Variants in PCDHGA8 observed in about 807,000 individuals in gnomAD.
PCDHGA8 encodes protocadherin gamma-A8.
Under a neutral mutation model 59.2 loss-of-function variants are expected in PCDHGA8, and 45 were observed. The ratio of observed to expected loss-of-function variants is 0.76; its 90% CI spans 0.60 to 0.98. The LOEUF (loss-of-function observed/expected upper bound fraction) is 0.98. Among genes scored for constraint, PCDHGA8 ranks in the 50% least tolerant of loss-of-function variants. PCDHGA8 has a pLI of 0.00. For missense variants in PCDHGA8, 1,257 were observed against 1,196.2 expected, an observed-to-expected ratio of 1.05 and a Z score of -0.75; for synonymous variants, 531 against 519.0, an observed-to-expected ratio of 1.02 and a Z score of -0.32.
intron 1 of PCDHGA8, chr5:141,403,792 A>G: frequency 1.2e-6 from 2 of 1,613,922 alleles, no homozygotes; most frequent in African/African-American, 1.3e-5. Context: ...TGGCATACAA[A>G]TTCTGGAAAA....
intron 1 of PCDHGA8, chr5:141,404,856 G>C (rs1405688914): frequency 6.2e-7 from 1 of 1,613,890 alleles, no homozygotes; most frequent in Admixed American, 1.7e-5. Flanking sequence ...CTGCTAGATA[G>C]AGATGCGCTC....
rs10038103 is a variant in PCDHGA8 at position 141,414,849 on chromosome 5, C to T, written c.2424+19612C>T. On this transcript the variant is annotated intron_variant, in intron 1 of 3. Transcript: ENST00000398604. ...TGTCGTTGAGCCTGTTTGTGCTGGA[C>T]CAGAACGACAATGCGCCCGAGATCC... The T allele has an allele frequency of 7.9e-4, 1,268 of 1,614,252 alleles. 15 individuals carry two copies. In the African/African-American group the frequency reaches 0.015, roughly 19 times the overall value.
At chr5:141,399,372 T>C (rs1333971188) in intron 1 of PCDHGA8, 8 of 1,613,970 alleles carry the variant, frequency 5.0e-6, no homozygotes, top group Non-Finnish European at 6.8e-6. Flanking sequence ...CGGAGTACAA[T>C]GTCACCATCA....
intron 1 of PCDHGA8, chr5:141,415,577 C>G (rs776744277): frequency 2.5e-6 from 4 of 1,613,744 alleles, no homozygotes; most frequent in South Asian, 2.2e-5. Flanking sequence ...TTAGATGATT[C>G]GAAGTTTCCT....
Position 141,489,172 on chromosome 5 carries a change from T to G in PCDHGA8, c.2425-5635T>G. 1 of 1,199,026 alleles carries G rather than the reference T, an allele frequency of 8.3e-7. No individual in the cohort carries two copies. Among genetic ancestry groups the G allele is most frequent in the East Asian group, 2.4e-5 (1 of 42,106 alleles). The allele number at this position is 1,199,026 out of a possible 1,614,324, so 74.3% of individuals were successfully genotyped here. ...ACATAAGAGACTTCAGCTGCTGCATTCCAAGCCCTGGGTCTACCTTGGAGA... is the reference window on the plus strand; with the variant it reads ...ACATAAGAGACTTCAGCTGCTGCATGCCAAGCCCTGGGTCTACCTTGGAGA... On this transcript the variant is annotated intron_variant, in intron 1 of 3. Coordinates refer to ENST00000398604, the MANE Select transcript of PCDHGA8 (RefSeq NM_032088.2). This position sits in a 1 kb window ranked among gnomAD's most constrained non-coding sequence, Gnocchi z 4.5.
At position 141,489,083 on chromosome 5, in the gene PCDHGA8, T is replaced by G; in HGVS notation, c.2425-5724T>G. On this transcript the variant is annotated intron_variant, in intron 1 of 3. Coordinates refer to ENST00000398604, the MANE Select transcript of PCDHGA8 (RefSeq NM_032088.2). This position sits in a 1 kb window ranked among gnomAD's most constrained non-coding sequence, Gnocchi z 4.5. ...CCTCCCCCCTGCCCACCCCCGCCACTCGGTGACTAAGAACTGCTGCAAGCA... is the reference window on the plus strand; with the variant it reads ...CCTCCCCCCTGCCCACCCCCGCCACGCGGTGACTAAGAACTGCTGCAAGCA... The G allele has an allele frequency of 1.2e-5, 2 of 172,008 alleles. No individual in the cohort carries two copies. Among genetic ancestry groups the G allele is most frequent in the Non-Finnish European group, 2.1e-5 (2 of 94,012 alleles). The allele number at this position is 172,008 out of a possible 1,614,324, so 10.7% of individuals were successfully genotyped here. A position where few individuals can be genotyped will look rare whatever the true frequency, so the allele number is the denominator to read the frequency against.
At chr5:141,483,104 A>G (rs2099577128) in intron 1 of PCDHGA8, among the ~76,000 whole-genome samples, 1 of 152,140 alleles carries the variant, frequency 6.6e-6, no homozygotes, top group African/African-American at 2.4e-5. Flanking sequence ...GTGTGCGTGT[A>G]AAACAGACAG....
At chr5:141,402,202 A>G (rs1223519214) in intron 1 of PCDHGA8, among the ~76,000 whole-genome samples, 1 of 152,138 alleles carries the variant, frequency 6.6e-6, no homozygotes. Flanking sequence ...CTTTTATAAT[A>G]CAAAAATTTA....
chr5:141,409,080 C>T (rs2095221617), intron 1 of PCDHGA8: 1 of 1,613,988 alleles, frequency 6.2e-7, no homozygotes, highest in Non-Finnish European at 8.5e-7. Context: ...CATATGTTCT[C>T]ATTGGATGAG....
chr5:141,398,189 T>A (rs926901002), intron 1 of PCDHGA8: 41 of 1,482,238 alleles, frequency 2.8e-5, no homozygotes, highest in Non-Finnish European at 3.5e-5. Context: ...TTTCTCTTCC[T>A]GCTGTCTTTG....
chr5:141,415,740 GTTTTTTTTTTTTTTT>G (rs57426385), intron 1 of PCDHGA8: 171 of 625,014 alleles, frequency 2.7e-4, no homozygotes, highest in East Asian at 8.8e-4. Flanking sequence ...GTTTATTAAG[GTTTTTTTTTTTTTTT>G]TTTTTTTTTT....
At chr5:141,469,543 C>T (rs1031152008) in intron 1 of PCDHGA8, among the ~76,000 whole-genome samples, 1 of 152,040 alleles carries the variant, frequency 6.6e-6, no homozygotes, top group Non-Finnish European at 1.5e-5. Context: ...CCACTGCACT[C>T]CAGCCTGGCG....
intron 1 of PCDHGA8, chr5:141,417,066 T>C (rs1373522268): frequency 6.6e-6 from 1 of 152,110 alleles, no homozygotes; most frequent in Non-Finnish European, 1.5e-5. Context: ...ACATTGTAGC[T>C]ATTGTGAGAA....
chr5:141,413,157 A>T, intron 1 of PCDHGA8: 2 of 1,578,898 alleles, frequency 1.3e-6, no homozygotes, highest in Non-Finnish European at 1.7e-6. Flanking sequence ...ACTTTGCAGA[A>T]TTCTGTAACC....
rs770596172 is a variant in PCDHGA8, at chr5:141,487,664, G to A, written c.2425-7143G>A. ...AATGCTTGAGGGTTATTCTGATCCA[G>A]GCATATGGCTAGGCCATGTCCTAGA... On this transcript the variant is annotated intron_variant, in intron 1 of 3. Transcript: ENST00000398604. The surrounding 1 kb of genome is among the most constrained non-coding windows in gnomAD (Gnocchi z 5.0). 1.9e-5 allele frequency: 31 copies of A among 1,613,048 alleles called. No individual in the cohort carries two copies. The South Asian group carries it at 3.4e-4, about 18-fold the overall frequency.
At chr5:141,435,516 C>T (rs2097767967) in intron 1 of PCDHGA8, among the ~76,000 whole-genome samples, 1 of 152,058 alleles carries the variant, frequency 6.6e-6, no homozygotes, top group Non-Finnish European at 1.5e-5. Context: ...CTAATGATGA[C>T]TTTGTGGAAT....
chr5:141,415,533 G>A (rs749139053), intron 1 of PCDHGA8: 11 of 1,614,198 alleles, frequency 6.8e-6, no homozygotes, highest in Non-Finnish European at 6.8e-6. Flanking sequence ...TCATCAGCCA[G>A]GAGAGCTGTG....
At chr5:141,473,098 A>G (rs564554159) in intron 1 of PCDHGA8, among the ~76,000 whole-genome samples, 6 of 152,300 alleles carry the variant, frequency 3.9e-5, no homozygotes, top group South Asian at 4.1e-4. Context: ...TGTGAGTTGT[A>G]TTACCACACT....
At position 141,491,834 on chromosome 5, in the gene PCDHGA8, C is replaced by T; in HGVS notation, c.2425-2973C>T. 6 of 1,473,830 alleles carry T rather than the reference C, an allele frequency of 4.1e-6. No homozygotes were observed. The highest frequency in any genetic ancestry group is 5.4e-6 in the Non-Finnish European group (6 of 1,112,366). The allele number at this position is 1,473,830 out of a possible 1,614,324, so 91.3% of individuals were successfully genotyped here. ...CGCTGGCTGCGCTCCACCCGATTCTCGGGATCATTGGACCGTTTGCGCGAA... is the reference window on the plus strand; with the variant it reads ...CGCTGGCTGCGCTCCACCCGATTCTTGGGATCATTGGACCGTTTGCGCGAA... On this transcript the variant is annotated intron_variant, in intron 1 of 3. Transcript: ENST00000398604. This position sits in a 1 kb window ranked among gnomAD's most constrained non-coding sequence, Gnocchi z 6.9.
Sources: allele counts gnomAD v4.1 joint callset (sites outside exome capture counted in the v4.1 genomes callset), GRCh38; gene constraint gnomAD v4.1.1; non-coding constraint Gnocchi (gnomAD v3.1); transcripts MANE v1.5; gene names NCBI Gene and HGNC (gene_info 2026-07-23, HGNC 2026-07-21).